Variants in OR2T33 observed in about 807,000 individuals in gnomAD.
OR2T33 encodes the protein olfactory receptor family 2 subfamily T member 33.
In OR2T33, 10 loss-of-function variants were observed where a neutral mutation model predicts 14.0. The observed-to-expected ratio is 0.72, with a 90% CI of 0.44 to 1.22. The LOEUF (loss-of-function observed/expected upper bound fraction) is 1.22. Among genes scored for constraint, OR2T33 ranks in the 50% most tolerant of loss-of-function variants. The probability of loss-of-function intolerance (pLI) is 0.00; values close to 1 mark genes in which losing one functional copy is unlikely to be tolerated. For synonymous variants in OR2T33, 103 were observed against 159.4 expected (o/e 0.65, Z 2.66); for missense variants, 276 against 405.9 (o/e 0.68, Z 2.75).
Position 248,273,632 on chromosome 1 carries a change from C to G in OR2T33, c.183G>C (p.Leu61=), listed in dbSNP as rs759599418. Residue 61 remains leucine (L), a synonymous_variant, in exon 2 of 2, where the codon CTG becomes CTC. Transcript: ENST00000641220. Reference sequence around the variant, plus strand: ...TCATGTCCATGAGGGAAAGTTGGCTCAGGAGGAAGTACATGGGCGTGTGGA... The same window carrying G: ...TCATGTCCATGAGGGAAAGTTGGCTGAGGAGGAAGTACATGGGCGTGTGGA... The part of the protein sequence containing the change: ...HRLHTPMYFL[L]SQLSLMDMML... 39 of 1,613,784 alleles carry G rather than the reference C, an allele frequency of 2.4e-5. No homozygotes were observed. The highest frequency in any genetic ancestry group is 6.7e-5 in the Admixed American group (4 of 60,014).
rs1172075006 is a variant in OR2T33 at position 248,272,249 on chromosome 1, A to T, written c.*603T>A. The T allele has an allele frequency of 2.6e-5, 4 of 152,252 alleles. No homozygotes were observed. The highest frequency in any genetic ancestry group is 1.3e-4 in the Admixed American group (2 of 15,286). 9.4% of individuals were successfully genotyped at this position (152,252 alleles called of 1,614,324 possible). ...ACTTAAATGAAAGGTTACATAAATT[A>T]AAAAAGGCTTACGTTTAAACACCAA... On this transcript the variant is annotated 3_prime_UTR_variant, in exon 2 of 2. Coordinates refer to ENST00000641220, the MANE Select transcript of OR2T33 (RefSeq NM_001004695.2).
rs775942707 is a variant in OR2T33 at position 248,272,937 on chromosome 1, C to G, written c.878G>C (p.Ser293Thr). 1.2e-6 allele frequency: 2 copies of G among 1,614,154 alleles called. No individual in the cohort carries two copies. The highest frequency in any genetic ancestry group is 1.7e-6 in the Non-Finnish European group (2 of 1,180,038). ...LNPLIYSVKN[S>T]EVKGALKRWL... is the part of the protein sequence containing the mutation. ...CCGTTTCAGGGCTCCCTTCACCTCA[C>G]TGTTCTTCACACTGTAGATGAGGGG... Residue 293 changes from serine to threonine, a missense_variant, in exon 2 of 2, where the codon AGT (serine) becomes ACT (threonine). Ser to Thr is a moderately conservative substitution (Grantham distance 58, BLOSUM62 1). Coordinates refer to ENST00000641220, the MANE Select transcript of OR2T33 (RefSeq NM_001004695.2).
rs1659353414 is a variant in OR2T33, at chr1:248,270,339, A to G, written c.*2513T>C. 6.6e-6 allele frequency: 1 copy of G among 152,240 alleles called. No individual in the cohort carries two copies. The allele number at this position is 152,240 out of a possible 1,614,324, so 9.4% of individuals were successfully genotyped here. A position where few individuals can be genotyped will look rare whatever the true frequency, so the allele number is the denominator to read the frequency against. ...ATGTAAATGATGAGTTAATGAGTGC[A>G]GCACACCAACATGACACATGTATGC... On this transcript the variant is annotated 3_prime_UTR_variant, in exon 2 of 2. Transcript: ENST00000641220.
In OR2T33 at chr1:248,273,099, C is replaced by A. The variant is rs372723782; in HGVS notation, c.716G>T (p.Cys239Phe). 4.5e-5 allele frequency: 72 copies of A among 1,612,366 alleles called. No individual in the cohort carries two copies. The East Asian group carries it at 1.1e-3, about 25-fold the overall frequency. Residue 239 changes from cysteine (C) to phenylalanine (F), a missense_variant, in exon 2 of 2, where the codon TGC becomes TTC. Cys to Phe is a radical substitution (Grantham distance 205). Transcript: ENST00000641220. The part of the protein sequence containing the change: ...TEARKKAFAT[C>F]SSHVAVVGLF... ...TCCCACCACAGCCACATGTGAAGAGCAGGTGGCAAAGGCCTTCTTGCGGGC... is the reference window on the plus strand; with the variant it reads ...TCCCACCACAGCCACATGTGAAGAGAAGGTGGCAAAGGCCTTCTTGCGGGC...
In OR2T33 at chr1:248,271,438, A is replaced by G. The variant is rs1172582557; in HGVS notation, c.*1414T>C. The G allele has an allele frequency of 2.0e-5, 3 of 152,180 alleles. No individual in the cohort carries two copies. Among genetic ancestry groups the G allele is most frequent in the Non-Finnish European group, 4.4e-5 (3 of 68,026 alleles). The allele number at this position is 152,180 out of a possible 1,614,324, so 9.4% of individuals were successfully genotyped here. A position where few individuals can be genotyped will look rare whatever the true frequency, so the allele number is the denominator to read the frequency against. On this transcript the variant is annotated 3_prime_UTR_variant, in exon 2 of 2. Transcript: ENST00000641220. ...ATTAACAAGAGTAGCAAACAAAAGT[A>G]TCAAACAGATGACACTCTCTCCTTT...
Position 248,273,329 on chromosome 1 carries a change from C to A in OR2T33, c.486G>T (p.Leu162=), listed in dbSNP as rs1401423258. 1.9e-6 allele frequency: 3 copies of A among 1,611,740 alleles called. No homozygotes were observed. In the East Asian group the frequency reaches 6.7e-5, roughly 36 times the overall value. ...CGTGTGCACCACAATATGGGAAGCT[C>A]AGGGTAACAACAGCCTGCAGGAGCC... ...ADGLLQAVVT[L]SFPYCGAHEI... is the part of the protein sequence containing the mutation. Residue 162 remains leucine, a synonymous_variant, in exon 2 of 2, where the codon CTG becomes CTT. Transcript: ENST00000641220.
chr1:248,271,995 A>C lies in OR2T33; in HGVS notation c.*857T>G, dbSNP rs1013531481. ...CTCTAATTACCTATGTCTTGGCAGAAGTAAGGTGGTGACACAATAATGTAT... is the reference window on the plus strand; with the variant it reads ...CTCTAATTACCTATGTCTTGGCAGACGTAAGGTGGTGACACAATAATGTAT... On this transcript the variant is annotated 3_prime_UTR_variant, in exon 2 of 2. Transcript: ENST00000641220. 1.1e-4 allele frequency: 17 copies of C among 152,286 alleles called. No individual in the cohort carries two copies. Among genetic ancestry groups the C allele is most frequent in the South Asian group, 6.2e-4 (3 of 4,822 alleles). 9.4% of individuals were successfully genotyped at this position (152,286 alleles called of 1,614,324 possible). A position where few individuals can be genotyped will look rare whatever the true frequency, so the allele number is the denominator to read the frequency against.
At chr1:248,277,097 A>T (rs370702537) in intron 1 of OR2T33, among the ~76,000 whole-genome samples, 1 of 149,308 alleles carries the variant, frequency 6.7e-6, no homozygotes, top group African/African-American at 2.4e-5. Flanking sequence ...TTTATATTTT[A>T]TGTATAAAAT....
At chr1:248,276,064 T>C (rs1183261408) in intron 1 of OR2T33, among the ~76,000 whole-genome samples, 1 of 152,182 alleles carries the variant, frequency 6.6e-6, no homozygotes, top group African/African-American at 2.4e-5. Flanking sequence ...TTCGGGATGA[T>C]ACTGTTTCAC....
At chr1:248,274,157 G>A (rs1354635340) in intron 1 of OR2T33, among the ~76,000 whole-genome samples, 1 of 152,068 alleles carries the variant, frequency 6.6e-6, no homozygotes, top group Non-Finnish European at 1.5e-5. Flanking sequence ...TTTTTGTTAT[G>A]TATACTGATG....
intron 1 of OR2T33, among the ~76,000 whole-genome samples, chr1:248,274,345 G>A (rs1164187721): frequency 2.0e-5 from 3 of 152,184 alleles, no homozygotes; most frequent in Non-Finnish European, 4.4e-5. Flanking sequence ...ATATGTGAGT[G>A]TAAATAAAAC....
Position 248,271,559 on chromosome 1 carries a change from AAATAT to A in OR2T33, c.*1288_*1292del, listed in dbSNP as rs1306578849. 2 of 152,184 alleles carry A rather than the reference AAATAT, an allele frequency of 1.3e-5. No homozygotes were observed. Among genetic ancestry groups the A allele is most frequent in the Non-Finnish European group, 2.9e-5 (2 of 68,018 alleles). The allele number at this position is 152,184 out of a possible 1,614,324, so 9.4% of individuals were successfully genotyped here. A position where few individuals can be genotyped will look rare whatever the true frequency, so the allele number is the denominator to read the frequency against. ...CATGCACTGGTTAAGGTACTATCTTAAATATATTACTGCTTTGGAACCTGAAGCTC... is the reference window on the plus strand; with the variant it reads ...CATGCACTGGTTAAGGTACTATCTTAATTACTGCTTTGGAACCTGAAGCTC... On this transcript the variant is annotated 3_prime_UTR_variant, in exon 2 of 2. Coordinates refer to ENST00000641220, the MANE Select transcript of OR2T33 (RefSeq NM_001004695.2).
intron 1 of OR2T33, among the ~76,000 whole-genome samples, chr1:248,274,882 T>C (rs1374010357): frequency 1.3e-5 from 2 of 152,224 alleles, no homozygotes; most frequent in Non-Finnish European, 1.5e-5. Flanking sequence ...ATTTATTTTC[T>C]TAGGAGACAC....
At chr1:248,275,568 A>G (rs577366192) in intron 1 of OR2T33, among the ~76,000 whole-genome samples, 11 of 152,342 alleles carry the variant, frequency 7.2e-5, no homozygotes, top group African/African-American at 2.6e-4. Context: ...GCATGGATAA[A>G]GGAGGGCAGG....
Position 248,273,243 on chromosome 1 carries a change from G to T in OR2T33, c.572C>A (p.Ser191Ter). 2 of 1,610,142 alleles carry T rather than the reference G, an allele frequency of 1.2e-6. No individual in the cohort carries two copies. Among genetic ancestry groups the T allele is most frequent in the African/African-American group, 1.3e-5 (1 of 74,564 alleles). Residue 191 changes from serine to a stop codon, truncating the protein, a stop_gained, in exon 2 of 2, where the codon TCA becomes TAA. Coordinates refer to ENST00000641220, the MANE Select transcript of OR2T33 (RefSeq NM_001004695.2). LOFTEE classifies it high-confidence loss of function. Reference protein sequence around the residue: ...VLVRLACADTSVFENAMYICC... With the variant: ...VLVRLACADT ...GATGTACATGGCGTTTTCGAAGACT[G>T]AAGTGTCAGCACAAGCCAAACGCAC...
Position 248,271,951 on chromosome 1 carries a change from A to C in OR2T33, c.*901T>G, listed in dbSNP as rs4581305. 112,814 of 151,942 alleles carry C rather than the reference A, an allele frequency of 0.74. 42,112 individuals carry two copies. The highest frequency in any genetic ancestry group is 0.87 in the South Asian group (4,214 of 4,820). 9.4% of individuals were successfully genotyped at this position (151,942 alleles called of 1,614,324 possible). A position where few individuals can be genotyped will look rare whatever the true frequency, so the allele number is the denominator to read the frequency against. On this transcript the variant is annotated 3_prime_UTR_variant, in exon 2 of 2. Transcript: ENST00000641220. ...CCCCAGATCTTTAGAAGGTGTCCCAAATTTTTCAACAGAAATACCTCTAAT... is the reference window on the plus strand; with the variant it reads ...CCCCAGATCTTTAGAAGGTGTCCCACATTTTTCAACAGAAATACCTCTAAT...
chr1:248,273,825 G>T lies in OR2T33; in HGVS notation c.-8-3C>A. 1.3e-6 allele frequency: 2 copies of T among 1,598,346 alleles called. No homozygotes were observed. The highest frequency in any genetic ancestry group is 8.5e-7 in the Non-Finnish European group (1 of 1,171,118). ...ATTTCTCATCTCCATAATTTCCCCTGGTGTGATGGTGCAAATGGAAAAATA... is the reference window on the plus strand; with the variant it reads ...ATTTCTCATCTCCATAATTTCCCCTTGTGTGATGGTGCAAATGGAAAAATA... On this transcript the variant is annotated splice_polypyrimidine_tract_variant and splice_region_variant and intron_variant, in intron 1 of 1. Coordinates refer to ENST00000641220, the MANE Select transcript of OR2T33 (RefSeq NM_001004695.2).
At chr1:248,276,682 A>G (rs1012992423) in intron 1 of OR2T33, among the ~76,000 whole-genome samples, 31 of 152,316 alleles carry the variant, frequency 2.0e-4, no homozygotes, top group African/African-American at 7.5e-4. Context: ...AGTTAACAAA[A>G]ATAAATAAAC....
Position 248,273,939 on chromosome 1 carries a change from T to A in OR2T33, c.-8-117A>T. 2.3e-6 allele frequency: 3 copies of A among 1,308,592 alleles called. No individual in the cohort carries two copies. The South Asian group carries it at 4.5e-5, about 20-fold the overall frequency. 81.1% of individuals were successfully genotyped at this position (1,308,592 alleles called of 1,614,324 possible). A position where few individuals can be genotyped will look rare whatever the true frequency, so the allele number is the denominator to read the frequency against. ...CTGGGTATGTTATCCCAGGTAGTGA[T>A]TCAAAGCCCTAACTCCCAGTGAGCA... On this transcript the variant is annotated intron_variant, in intron 1 of 1. Coordinates refer to ENST00000641220, the MANE Select transcript of OR2T33 (RefSeq NM_001004695.2).
Sources: allele counts gnomAD v4.1 joint callset (sites outside exome capture counted in the v4.1 genomes callset), GRCh38; gene constraint gnomAD v4.1.1; transcripts MANE v1.5; gene names NCBI Gene and HGNC (gene_info 2026-07-23, HGNC 2026-07-21).